ADK: variants seen among roughly 807,000 people sequenced by gnomAD.
ADK encodes N6,N6-dimethyladenosine kinase.
Under a neutral mutation model 44.7 loss-of-function variants are expected in ADK, and 24 were observed. The ratio of observed to expected loss-of-function variants is 0.54; its 90% CI spans 0.39 to 0.76. The LOEUF is 0.76. Among genes scored for constraint, ADK ranks in the 30% least tolerant of loss-of-function variants. ADK has a pLI of 0.00. For synonymous variants in ADK, 128 were observed against 142.6 expected, an observed-to-expected ratio of 0.90 and a Z score of 0.73; for missense variants, 321 against 425.1, an observed-to-expected ratio of 0.76 and a Z score of 2.15.
chr10:74,171,223 G>T (rs1017920098), intron 1 of ADK, among the ~76,000 whole-genome samples: 2 of 152,098 alleles, frequency 1.3e-5, no homozygotes, highest in Admixed American at 1.3e-4. Flanking sequence ...GAATAACTGG[G>T]TATACAAATC....
intron 7 of ADK, among the ~76,000 whole-genome samples, chr10:74,571,549 C>T (rs1327433040): frequency 7.2e-5 from 11 of 152,184 alleles, no homozygotes; most frequent in Non-Finnish European, 1.5e-4. Flanking sequence ...TTATTCATTT[C>T]TTCTAGATTT....
chr10:74,575,587 G>A (rs931178242), intron 7 of ADK, among the ~76,000 whole-genome samples: 12 of 152,128 alleles, frequency 7.9e-5, no homozygotes, highest in African/African-American at 2.9e-4. Context: ...AAAAGCCTGG[G>A]GCATGTTCAG....
intron 4 of ADK, among the ~76,000 whole-genome samples, chr10:74,389,080 G>C (rs1360079929): frequency 6.6e-6 from 1 of 152,130 alleles, no homozygotes; most frequent in Non-Finnish European, 1.5e-5. Context: ...AATTCTGTAG[G>C]TGTTTCCTTT....
At chr10:74,196,849 A>G (rs1187089031) in intron 1 of ADK, among the ~76,000 whole-genome samples, 1 of 152,110 alleles carries the variant, frequency 6.6e-6, no homozygotes, top group East Asian at 1.9e-4. Flanking sequence ...AACAACAGAA[A>G]AGTTCAGATG....
At chr10:74,220,405 G>A (rs1266440995) in intron 2 of ADK, among the ~76,000 whole-genome samples, 6 of 152,004 alleles carry the variant, frequency 3.9e-5, no homozygotes, top group Non-Finnish European at 7.4e-5. Context: ...AAGAGTCCAG[G>A]ACCAGATGGA....
intron 7 of ADK, among the ~76,000 whole-genome samples, chr10:74,579,590 C>T (rs2133889591): frequency 6.6e-6 from 1 of 152,286 alleles, no homozygotes; most frequent in African/African-American, 2.4e-5. Flanking sequence ...GCCTAGATAG[C>T]TTCCAGTCTG....
At chr10:74,536,613 T>C (rs895686679) in intron 7 of ADK, among the ~76,000 whole-genome samples, 2 of 150,780 alleles carry the variant, frequency 1.3e-5, no homozygotes, top group Non-Finnish European at 2.9e-5. Context: ...TTTTTTTTTT[T>C]AATCAACCCA....
chr10:74,372,404 T>C (rs1904067), intron 4 of ADK: 477,224 of 710,528 alleles, frequency 0.67, 165,493 homozygotes, highest in Middle Eastern at 0.82. Context: ...GAGCAAACAC[T>C]GAAAGGTCTT....
At chr10:74,151,693 C>T (rs2132018682) in intron 1 of ADK, among the ~76,000 whole-genome samples, 1 of 152,344 alleles carries the variant, frequency 6.6e-6, no homozygotes, top group South Asian at 2.1e-4. Context: ...GCCGCCTTCT[C>T]TTCCCGGGGG....
chr10:74,483,654 T>A (rs775237640), intron 6 of ADK, among the ~76,000 whole-genome samples: 1 of 152,222 alleles, frequency 6.6e-6, no homozygotes, highest in African/African-American at 2.4e-5. Context: ...GAGCATATGC[T>A]GTTAGAAGCA....
rs145122403 is a variant in ADK at position 74,337,391 on chromosome 10, G to A, written c.273+22646G>A. Among the ~76,000 whole-genome samples, 12 of 152,276 alleles carry A rather than the reference G, an allele frequency of 7.9e-5. 1 individual carries two copies. Among genetic ancestry groups the A allele is most frequent in the African/African-American group, 1.9e-4 (8 of 41,556 alleles). On this transcript the variant is annotated intron_variant, in intron 4 of 10. Coordinates refer to ENST00000539909, the MANE Select transcript of ADK (RefSeq NM_006721.4). The stretch of plus-strand genomic sequence containing the variant: ...ATTGCACCTGCCTGGTGCTGTGGTG[G>A]GCAGAGTAGCATTCAGCCATTCAGA...
intron 4 of ADK, among the ~76,000 whole-genome samples, chr10:74,333,396 TTAG>T (rs1050760719): frequency 2.6e-5 from 4 of 152,158 alleles, no homozygotes; most frequent in African/African-American, 9.7e-5. Context: ...GGCATGAGCA[TTAG>T]TAATCCAGTC....
intron 6 of ADK, among the ~76,000 whole-genome samples, chr10:74,516,344 C>T (rs755590477): frequency 6.6e-6 from 1 of 152,070 alleles, no homozygotes; most frequent in African/African-American, 2.4e-5. Context: ...TTTCCAATCA[C>T]CACAGGTGCA....
chr10:74,547,830 G>A (rs1849892976), intron 7 of ADK, among the ~76,000 whole-genome samples: 1 of 151,928 alleles, frequency 6.6e-6, no homozygotes, highest in Non-Finnish European at 1.5e-5. Context: ...GGCTAATTTT[G>A]TATTTTTGGT....
intron 6 of ADK, among the ~76,000 whole-genome samples, chr10:74,474,525 CTTT>C (rs1846747213): frequency 2.0e-5 from 3 of 148,780 alleles, no homozygotes; most frequent in Non-Finnish European, 3.0e-5. Context: ...CCTTCCCTTT[CTTT>C]CCTTTCTTTC....
At chr10:74,647,752 G>A (rs1449076216) in intron 9 of ADK, among the ~76,000 whole-genome samples, 1 of 152,080 alleles carries the variant, frequency 6.6e-6, no homozygotes, top group Non-Finnish European at 1.5e-5. Context: ...GGGAGTAATC[G>A]ATAAACTACA....
intron 1 of ADK, among the ~76,000 whole-genome samples, chr10:74,162,556 TGTGTGTGA>T (rs1841935208): frequency 1.3e-5 from 2 of 150,948 alleles, no homozygotes; most frequent in Admixed American, 6.6e-5. Context: ...TGTGTGTGTG[TGTGTGTGA>T]GACAGAGTCT....
At chr10:74,620,083 T>G (rs947689189) in intron 9 of ADK, among the ~76,000 whole-genome samples, 1 of 152,188 alleles carries the variant, frequency 6.6e-6, no homozygotes, top group African/African-American at 2.4e-5. Flanking sequence ...AGCATATCCA[T>G]CATCTCAAAC....
intron 6 of ADK, among the ~76,000 whole-genome samples, chr10:74,423,173 G>T (rs980744688): frequency 6.6e-6 from 1 of 152,194 alleles, no homozygotes; most frequent in Non-Finnish European, 1.5e-5. Context: ...ATAGAAAGGG[G>T]AGGAAATGGG....
Sources: allele counts gnomAD v4.1 joint callset (sites outside exome capture counted in the v4.1 genomes callset), GRCh38; gene constraint gnomAD v4.1.1; transcripts MANE v1.5; gene names NCBI Gene and HGNC (gene_info 2026-07-23, HGNC 2026-07-21).